Variants in KCNIP2 observed in about 807,000 individuals in gnomAD.
KCNIP2 encodes the protein potassium voltage-gated channel interacting protein 2.
In KCNIP2, 19 loss-of-function variants were observed where a neutral mutation model predicts 39.0. The observed-to-expected ratio is 0.49, with a 90% confidence interval of 0.34 to 0.71. The LOEUF (loss-of-function observed/expected upper bound fraction) is 0.71. Ranked by LOEUF, KCNIP2 falls within the 30% of genes least tolerant of loss-of-function variation. The pLI is 0.01. For synonymous variants in KCNIP2, 111 were observed against 131.2 expected (o/e 0.85, Z 1.05); for missense variants, 261 against 346.0 (o/e 0.75, Z 1.95).
intron 1 of KCNIP2, among the ~76,000 whole-genome samples, chr10:101,839,171 T>G (rs562808205): frequency 3.3e-5 from 5 of 152,176 alleles, no homozygotes; most frequent in Non-Finnish European, 7.3e-5. Context: ...AGCCCAGTGA[T>G]GCACAACTTA....
chr10:101,828,996 C>A lies in KCNIP2; in HGVS notation c.348+79G>T. ...CCGCCCACACCTCAAGCATCCAAGC[C>A]ATGCTTTCTGGGAAGCTGTGGACCG... On this transcript the variant is annotated intron_variant, in intron 4 of 9. Coordinates refer to ENST00000356640, the MANE Select transcript of KCNIP2 (RefSeq NM_173191.3). This position sits in a 1 kb window ranked among gnomAD's most constrained non-coding sequence, Gnocchi z 6.6. 6.4e-7 allele frequency: 1 copy of A among 1,572,820 alleles called. No individual in the cohort carries two copies. Among genetic ancestry groups the A allele is most frequent in the South Asian group, 1.2e-5 (1 of 84,504 alleles).
At chr10:101,829,779 G>T in intron 3 of KCNIP2, 65 bp downstream of exon 3, 1 of 402,256 alleles carries the variant, frequency 2.5e-6, no homozygotes, top group African/African-American at 3.2e-5. Flanking sequence ...CCAGGCAAGT[G>T]CCCCCCACCC....
In KCNIP2 at chr10:101,838,773, A is replaced by G. The variant is rs2066235513; in HGVS notation, c.73+4723T>C. On this transcript the variant is annotated intron_variant, in intron 1 of 9. Coordinates refer to ENST00000356640, the MANE Select transcript of KCNIP2 (RefSeq NM_173191.3). The surrounding 1 kb of genome is among the most constrained non-coding windows in gnomAD (Gnocchi z 4.0). ...CAAGGAGAGGCCACAGGCCCTATCTATACTCCAGGGGCTCAAGTGGATACC... is the reference window on the plus strand; with the variant it reads ...CAAGGAGAGGCCACAGGCCCTATCTGTACTCCAGGGGCTCAAGTGGATACC... Among the ~76,000 whole-genome samples, 1 of 152,244 alleles carries G rather than the reference A, an allele frequency of 6.6e-6. No homozygotes were observed. The highest frequency in any genetic ancestry group is 1.9e-4 in the East Asian group (1 of 5,200).
Position 101,830,392 on chromosome 10 carries a change from G to A in KCNIP2, c.170-495C>T, listed in dbSNP as rs756709273. ...CAGGGGTCCAAAACACGGTGGGGAA[G>A]GGGGCGGCCGCACGGAGTTGAAGAC... On this transcript the variant is annotated intron_variant, in intron 2 of 9. Coordinates refer to ENST00000356640, the MANE Select transcript of KCNIP2 (RefSeq NM_173191.3). The A allele has an allele frequency of 6.2e-6, 8 of 1,284,140 alleles. No individual in the cohort carries two copies. In the South Asian group the frequency reaches 9.1e-5, roughly 15 times the overall value. The allele number at this position is 1,284,140 out of a possible 1,614,324, so 79.5% of individuals were successfully genotyped here.
chr10:101,827,225 T>C lies in KCNIP2; in HGVS notation c.*128A>G. On this transcript the variant is annotated 3_prime_UTR_variant, in exon 10 of 10. Transcript: ENST00000356640. ...GATCTGGACTACTGAATCCCCAAGCTCTTGGATCCCTCCAGCCCCCAGGGA... is the reference window on the plus strand; with the variant it reads ...GATCTGGACTACTGAATCCCCAAGCCCTTGGATCCCTCCAGCCCCCAGGGA... The C allele has an allele frequency of 8.7e-6, 12 of 1,382,592 alleles. No individual in the cohort carries two copies. The highest frequency in any genetic ancestry group is 1.1e-5 in the Non-Finnish European group (12 of 1,065,576). The allele number at this position is 1,382,592 out of a possible 1,614,324, so 85.6% of individuals were successfully genotyped here. A position where few individuals can be genotyped will look rare whatever the true frequency, so the allele number is the denominator to read the frequency against.
Position 101,829,105 on chromosome 10 carries a change from C to A in KCNIP2, c.318G>T (p.Glu106Asp). 1 of 1,614,226 alleles carries A rather than the reference C, an allele frequency of 6.2e-7. No individual in the cohort carries two copies. The highest frequency in any genetic ancestry group is 8.5e-7 in the Non-Finnish European group (1 of 1,180,036). ...LQEQTKFTRK[E>D]LQVLYRGFKN... Reference sequence around the variant, plus strand: ...TGAAGCCCCGGTACAGGACCTGCAACTCCTTGCGCGTGAATTTGGTTTGCT... The same window carrying A: ...TGAAGCCCCGGTACAGGACCTGCAAATCCTTGCGCGTGAATTTGGTTTGCT... Residue 106 changes from glutamate to aspartate, a missense_variant, in exon 4 of 10, where the codon GAG becomes GAT. Coordinates refer to ENST00000356640, the MANE Select transcript of KCNIP2 (RefSeq NM_173191.3).
chr10:101,842,626 C>A (rs2066366673), intron 1 of KCNIP2, among the ~76,000 whole-genome samples: 1 of 152,210 alleles, frequency 6.6e-6, no homozygotes, highest in Admixed American at 6.5e-5. Flanking sequence ...GTGCTGGAGC[C>A]ATAAGGTCTC....
Position 101,827,242 on chromosome 10 carries a change from C to A in KCNIP2, c.*111G>T, listed in dbSNP as rs1483712527. 5.6e-6 allele frequency: 8 copies of A among 1,421,964 alleles called. No individual in the cohort carries two copies. The highest frequency in any genetic ancestry group is 7.4e-6 in the Non-Finnish European group (8 of 1,085,128). The allele number at this position is 1,421,964 out of a possible 1,614,324, so 88.1% of individuals were successfully genotyped here. A position where few individuals can be genotyped will look rare whatever the true frequency, so the allele number is the denominator to read the frequency against. On this transcript the variant is annotated 3_prime_UTR_variant, in exon 10 of 10. Transcript: ENST00000356640. The stretch of plus-strand genomic sequence containing the variant: ...CCCCAAGCTCTTGGATCCCTCCAGC[C>A]CCCAGGGAGGCGTAGGATGAGGATA...
At chr10:101,837,656 A>G (rs962155636) in intron 1 of KCNIP2, among the ~76,000 whole-genome samples, 1 of 151,940 alleles carries the variant, frequency 6.6e-6, no homozygotes, top group African/African-American at 2.4e-5. Flanking sequence ...AAAGAGCAAA[A>G]CTCTGTCTCA....
intron 1 of KCNIP2, chr10:101,839,716 G>A (rs760095570): frequency 6.3e-7 from 1 of 1,598,012 alleles, no homozygotes; most frequent in East Asian, 2.2e-5. Context: ...CTCACTTTTT[G>A]AAGGATCCTG....
At chr10:101,839,463 C>A (rs2066254367) in intron 1 of KCNIP2, among the ~76,000 whole-genome samples, 1 of 152,112 alleles carries the variant, frequency 6.6e-6, no homozygotes, top group South Asian at 2.1e-4. Context: ...TCAGTTAAGG[C>A]CCCCTCCTCT....
Position 101,827,292 on chromosome 10 carries a change from C to G in KCNIP2, c.*61G>C, listed in dbSNP as rs962467652. ...AGACCTGGGAAGAGAAGGGTGAGGT[C>G]CGCCTGGACTAGGGTTAGAGCATGG... is the stretch of plus-strand genomic sequence containing the variant. On this transcript the variant is annotated 3_prime_UTR_variant, in exon 10 of 10. Coordinates refer to ENST00000356640, the MANE Select transcript of KCNIP2 (RefSeq NM_173191.3). 1 of 1,533,196 alleles carries G rather than the reference C, an allele frequency of 6.5e-7. No homozygotes were observed. The highest frequency in any genetic ancestry group is 1.4e-5 in the African/African-American group (1 of 72,852). 95.0% of individuals were successfully genotyped at this position (1,533,196 alleles called of 1,614,324 possible). A position where few individuals can be genotyped will look rare whatever the true frequency, so the allele number is the denominator to read the frequency against.
rs577815410 is a variant in KCNIP2, at chr10:101,841,234, G to A, written c.73+2262C>T. Among the ~76,000 whole-genome samples, 5 of 152,330 alleles carry A rather than the reference G, an allele frequency of 3.3e-5. No homozygotes were observed. In the South Asian group the frequency reaches 1.0e-3, roughly 32 times the overall value. Reference sequence around the variant, plus strand: ...TTTCCAGCTGCTTCCCTGCAAGCCTGATGGGCCGGGAAGACGGGAGCTGCA... The same window carrying A: ...TTTCCAGCTGCTTCCCTGCAAGCCTAATGGGCCGGGAAGACGGGAGCTGCA... On this transcript the variant is annotated intron_variant, in intron 1 of 9. Coordinates refer to ENST00000356640, the MANE Select transcript of KCNIP2 (RefSeq NM_173191.3).
intron 9 of KCNIP2, 112 bp downstream of exon 9, chr10:101,827,577 A>G: frequency 7.3e-7 from 1 of 1,362,960 alleles, no homozygotes; most frequent in Non-Finnish European, 1.1e-6. Context: ...AATAGGATTG[A>G]AATATGGGGG....
At chr10:101,833,960 C>G (rs769715532) in intron 1 of KCNIP2, among the ~76,000 whole-genome samples, 1 of 151,926 alleles carries the variant, frequency 6.6e-6, no homozygotes, top group Non-Finnish European at 1.5e-5. Flanking sequence ...CTCCTGGTAT[C>G]GCCCAGAATC....
At position 101,827,728 on chromosome 10, in the gene KCNIP2, A is replaced by G. The variant is rs992336586; in HGVS notation, c.726T>C (p.Gly242=). ...FFQKMDRNKD[G]VVTIEEFIES... ...CAATGAATTCCTCAATGGTCACCACACCATCCTTGTTTCTGTCCATCTTCT... is the reference window on the plus strand; with the variant it reads ...CAATGAATTCCTCAATGGTCACCACGCCATCCTTGTTTCTGTCCATCTTCT... The change falls in exon 9 of 10, where the codon GGT becomes GGC. Residue 242 remains glycine (G), a synonymous_variant. Transcript: ENST00000356640. 3.1e-6 allele frequency: 5 copies of G among 1,613,838 alleles called. No individual in the cohort carries two copies. Among genetic ancestry groups the G allele is most frequent in the Admixed American group, 3.3e-5 (2 of 60,010 alleles).
chr10:101,830,329 A>T, intron 2 of KCNIP2: 1 of 1,139,408 alleles, frequency 8.8e-7, no homozygotes, highest in East Asian at 6.3e-5. Context: ...CATCCTCTAC[A>T]CCTGTCACCA....
At position 101,834,994 on chromosome 10, in the gene KCNIP2, C is replaced by T. The variant is rs575412050; in HGVS notation, c.74-3827G>A. Among the ~76,000 whole-genome samples the T allele has an allele frequency of 5.3e-5, 8 of 152,126 alleles. No homozygotes were observed. The East Asian group carries it at 1.5e-3, about 29-fold the overall frequency. ...GTATGGTTATGCATTTTGACTCTTG[C>T]GTATATGGGTATGTGAGCTGGGTGT... is the stretch of plus-strand genomic sequence containing the variant. On this transcript the variant is annotated intron_variant, in intron 1 of 9. Coordinates refer to ENST00000356640, the MANE Select transcript of KCNIP2 (RefSeq NM_173191.3).
intron 2 of KCNIP2, chr10:101,830,428 C>T (rs1489665590): frequency 7.7e-7 from 1 of 1,295,282 alleles, no homozygotes; most frequent in Admixed American, 2.4e-5. Flanking sequence ...ACTAACCCAG[C>T]TAAGCCACAT....
Sources: allele counts gnomAD v4.1 joint callset (sites outside exome capture counted in the v4.1 genomes callset), GRCh38; gene constraint gnomAD v4.1.1; non-coding constraint Gnocchi (gnomAD v3.1); transcripts MANE v1.5; gene names NCBI Gene and HGNC (gene_info 2026-07-23, HGNC 2026-07-21).